Variants in KCNAB1 observed in about 807,000 individuals in gnomAD.
The protein encoded by KCNAB1 is potassium voltage-gated channel subfamily A regulatory beta subunit 1, also known as voltage-gated potassium channel subunit beta-1.
KCNAB1 carries 35 observed loss-of-function variants against 64.6 expected under a neutral mutation model. The observed-to-expected ratio is 0.54, with a 90% CI of 0.41 to 0.72. The LOEUF (loss-of-function observed/expected upper bound fraction) is 0.72, where lower values mean the gene tolerates loss of function less well. Ranked by LOEUF, KCNAB1 falls within the 30% of genes least tolerant of loss-of-function variation. The pLI is 0.00. For synonymous variants in KCNAB1, 177 were observed against 183.8 expected (o/e 0.96, Z 0.30); for missense variants, 401 against 512.9 (o/e 0.78, Z 2.11).
chr3:156,496,974 A>G (rs981900326), intron 8 of KCNAB1, among the ~76,000 whole-genome samples: 2 of 152,196 alleles, frequency 1.3e-5, no homozygotes, highest in Non-Finnish European at 2.9e-5. Flanking sequence ...TTGCCCAGCC[A>G]CTACTGGGTC....
chr3:156,421,464 G>T lies in KCNAB1; in HGVS notation c.276-152G>T, dbSNP rs577670540. 1.6e-5 allele frequency: 11 copies of T among 679,418 alleles called. No individual in the cohort carries two copies. In the South Asian group the frequency reaches 1.9e-4, roughly 12 times the overall value. The allele number at this position is 679,418 out of a possible 1,614,324, so 42.1% of individuals were successfully genotyped here. A position where few individuals can be genotyped will look rare whatever the true frequency, so the allele number is the denominator to read the frequency against. ...GATGCCTGAGTGGCCATGCAAGGGA[G>T]ACCTGTCTCAAGACAATATGCCGGC... On this transcript the variant is annotated intron_variant, in intron 1 of 13. Coordinates refer to ENST00000490337, the MANE Select transcript of KCNAB1 (RefSeq NM_172160.3).
At position 156,175,387 on chromosome 3, in the gene KCNAB1, G is replaced by A. The variant is rs577805176; in HGVS notation, c.275+54501G>A. On this transcript the variant is annotated intron_variant, in intron 1 of 13. Coordinates refer to ENST00000490337, the MANE Select transcript of KCNAB1 (RefSeq NM_172160.3). Reference sequence around the variant, plus strand: ...TGTAATCCCAGCACTTTGGGAGGCCGAGGCGGGTGGATCACAAGGTCAGGA... The same window carrying A: ...TGTAATCCCAGCACTTTGGGAGGCCAAGGCGGGTGGATCACAAGGTCAGGA... Among the ~76,000 whole-genome samples, 22 of 152,272 alleles carry A rather than the reference G, an allele frequency of 1.4e-4. No homozygotes were observed. In the South Asian group the frequency reaches 3.7e-3, roughly 26 times the overall value.
At position 156,474,791 on chromosome 3, in the gene KCNAB1, A is replaced by G; in HGVS notation, c.629A>G (p.Asn210Ser). 1.2e-6 allele frequency: 2 copies of G among 1,613,300 alleles called. No homozygotes were observed. Among genetic ancestry groups the G allele is most frequent in the South Asian group, 1.1e-5 (1 of 91,058 alleles). The change falls in exon 8 of 14, where the codon AAT becomes AGT. Residue 210 changes from asparagine (N) to serine (S), a missense_variant. Transcript: ENST00000490337. ...GAGTATGTGGATGTGGTCTTTGCAA[A>G]TCGACCGGACAGTAACACTCCCATG... Reference protein sequence around the residue: ...QLEYVDVVFANRPDSNTPMEE... With the variant: ...QLEYVDVVFASRPDSNTPMEE...
At chr3:156,167,015 C>T (rs1273599542) in intron 1 of KCNAB1, among the ~76,000 whole-genome samples, 1 of 152,168 alleles carries the variant, frequency 6.6e-6, no homozygotes, top group Non-Finnish European at 1.5e-5. Context: ...CATTCCTGAC[C>T]AGTGCTGCTC....
chr3:156,491,658 A>G (rs1715639327), intron 8 of KCNAB1, among the ~76,000 whole-genome samples: 2 of 152,244 alleles, frequency 1.3e-5, no homozygotes, highest in Admixed American at 1.3e-4. Flanking sequence ...GTAAGCTAAT[A>G]TTTAATTTAG....
intron 6 of KCNAB1, among the ~76,000 whole-genome samples, 156 bp downstream of exon 6, chr3:156,463,902 A>G (rs1713142996): frequency 1.3e-5 from 2 of 152,150 alleles, no homozygotes; most frequent in Non-Finnish European, 2.9e-5. Context: ...GGAAATAGCA[A>G]TTAGCCTAAG....
chr3:156,520,762 C>G (rs1717893156), intron 11 of KCNAB1, among the ~76,000 whole-genome samples: 1 of 152,102 alleles, frequency 6.6e-6, no homozygotes, highest in Non-Finnish European at 1.5e-5. Flanking sequence ...AGCATTTTAC[C>G]TAGAGATCTC....
intron 1 of KCNAB1, among the ~76,000 whole-genome samples, chr3:156,388,654 C>G (rs1450005354): frequency 2.0e-5 from 3 of 152,194 alleles, no homozygotes; most frequent in African/African-American, 7.2e-5. Flanking sequence ...TTTGCAAATG[C>G]TATTTGAGCC....
intron 1 of KCNAB1, among the ~76,000 whole-genome samples, chr3:156,245,481 C>T (rs1024552752): frequency 2.3e-4 from 35 of 152,086 alleles, no homozygotes; most frequent in African/African-American, 7.5e-4. Flanking sequence ...ACCAGTTTTA[C>T]ATGCACTCAT....
intron 1 of KCNAB1, among the ~76,000 whole-genome samples, chr3:156,338,513 T>C (rs1220400292): frequency 6.6e-6 from 1 of 151,934 alleles, no homozygotes; most frequent in Admixed American, 6.6e-5. Context: ...GGTTTCTCCA[T>C]GTTGGTGAGG....
intron 2 of KCNAB1, 66 bp downstream of exon 2, chr3:156,421,725 G>T: frequency 1.4e-6 from 2 of 1,450,736 alleles, no homozygotes; most frequent in Non-Finnish European, 1.9e-6. Context: ...GCACCAGGGA[G>T]TGACTGTGGT....
intron 1 of KCNAB1, among the ~76,000 whole-genome samples, chr3:156,147,473 A>G (rs1715106025): frequency 6.6e-6 from 1 of 152,238 alleles, no homozygotes; most frequent in Non-Finnish European, 1.5e-5. Context: ...TTGTTTAAAT[A>G]GAAACCATAT....
chr3:156,183,735 C>G (rs1286245874), intron 1 of KCNAB1, among the ~76,000 whole-genome samples: 1 of 152,220 alleles, frequency 6.6e-6, no homozygotes, highest in South Asian at 2.1e-4. Context: ...CTCAGGCAAT[C>G]ACTGCATCTT....
At chr3:156,270,904 G>A (rs538676650) in intron 1 of KCNAB1, among the ~76,000 whole-genome samples, 1 of 152,180 alleles carries the variant, frequency 6.6e-6, no homozygotes, top group African/African-American at 2.4e-5. Context: ...TTATTTGTCT[G>A]GGGAAGTCTT....
chr3:156,187,114 A>G (rs567390355), intron 1 of KCNAB1, among the ~76,000 whole-genome samples: 4 of 152,158 alleles, frequency 2.6e-5, no homozygotes, highest in Non-Finnish European at 5.9e-5. Flanking sequence ...TTGGCTTCCC[A>G]AAGTGTTGGG....
chr3:156,330,663 T>G (rs1393351133), intron 1 of KCNAB1, among the ~76,000 whole-genome samples: 1 of 152,152 alleles, frequency 6.6e-6, no homozygotes, highest in Non-Finnish European at 1.5e-5. Flanking sequence ...GCAGTGACCA[T>G]TCTTTCATCA....
intron 1 of KCNAB1, among the ~76,000 whole-genome samples, chr3:156,404,246 G>A (rs1353532383): frequency 6.6e-6 from 1 of 152,002 alleles, no homozygotes; most frequent in African/African-American, 2.4e-5. Flanking sequence ...CAAAACATTT[G>A]TCTCCACTTC....
intron 2 of KCNAB1, among the ~76,000 whole-genome samples, chr3:156,439,232 T>G (rs1716823058): frequency 1.5e-5 from 2 of 136,380 alleles, no homozygotes; most frequent in South Asian, 5.8e-4. Flanking sequence ...TGATTTTTTT[T>G]TTTTTTTTTT....
chr3:156,132,845 T>C (rs1047853689), intron 1 of KCNAB1, among the ~76,000 whole-genome samples: 3 of 152,216 alleles, frequency 2.0e-5, no homozygotes, highest in African/African-American at 4.8e-5. Flanking sequence ...TGGTTTTGAA[T>C]GTAATGTTGT....
Sources: gnomAD v4.1 joint callset for allele counts (sites outside exome capture counted in the v4.1 genomes callset) on GRCh38, gnomAD v4.1.1 for gene constraint, MANE v1.5 for transcripts, NCBI Gene and HGNC (gene_info 2026-07-23, HGNC 2026-07-21) for gene names.